The following PCDHA2 variants were observed in gnomAD, a reference collection of about 807,000 sequenced individuals.
PCDHA2 encodes protocadherin alpha 2.
In PCDHA2, 58 loss-of-function variants were observed where a neutral mutation model predicts 66.0. The ratio of observed to expected loss-of-function variants is 0.88; its 90% CI spans 0.71 to 1.09. The LOEUF (loss-of-function observed/expected upper bound fraction) is 1.09. Ranked by LOEUF, PCDHA2 falls within the 50% of genes least tolerant of loss-of-function variation. PCDHA2 has a pLI of 0.00. For synonymous variants in PCDHA2, 634 were observed against 554.0 expected, an observed-to-expected ratio of 1.14 and a Z score of -2.03; for missense variants, 1,267 against 1,242.3, an observed-to-expected ratio of 1.02 and a Z score of -0.30.
intron 3 of PCDHA2, among the ~76,000 whole-genome samples, chr5:140,983,123 G>A (rs781811003): frequency 2.0e-5 from 3 of 152,198 alleles, no homozygotes; most frequent in Non-Finnish European, 4.4e-5. Flanking sequence ...ACAACATTCT[G>A]CAGACTGACT....
At chr5:140,862,926 G>C in intron 1 of PCDHA2, 1 of 546,060 alleles carries the variant, frequency 1.8e-6, no homozygotes, top group South Asian at 1.4e-5. Context: ...GGGTGGGCTG[G>C]CGGCGCTGTG....
chr5:140,808,557 A>C, intron 1 of PCDHA2: 2 of 1,614,098 alleles, frequency 1.2e-6, no homozygotes, highest in Non-Finnish European at 8.5e-7. Flanking sequence ...GCGTTCGCGC[A>C]GCCCGAGTAC....
chr5:140,939,851 A>G (rs1313215259), intron 1 of PCDHA2, among the ~76,000 whole-genome samples: 2 of 152,206 alleles, frequency 1.3e-5, no homozygotes, highest in African/African-American at 4.8e-5. Context: ...TGTGTTCTGT[A>G]TATGTCCATT....
At chr5:140,893,456 C>G (rs781790396) in intron 1 of PCDHA2, among the ~76,000 whole-genome samples, 44 of 151,918 alleles carry the variant, frequency 2.9e-4, no homozygotes, top group Non-Finnish European at 2.6e-4. Flanking sequence ...AGTTCAAGAC[C>G]AGCCTGGGCA....
intron 1 of PCDHA2, chr5:140,828,105 C>T (rs1554131020): frequency 3.1e-6 from 5 of 1,610,132 alleles, no homozygotes; most frequent in Middle Eastern, 1.7e-4. Context: ...GTGTTTACCC[C>T]GGAGGATAGA....
intron 1 of PCDHA2, among the ~76,000 whole-genome samples, chr5:140,800,063 T>C (rs549802801): frequency 1.3e-5 from 2 of 152,102 alleles, no homozygotes; most frequent in Non-Finnish European, 2.9e-5. Context: ...TAACAACTTT[T>C]AAAAAAACTG....
At chr5:140,911,066 A>C (rs1166409987) in intron 1 of PCDHA2, among the ~76,000 whole-genome samples, 1 of 152,042 alleles carries the variant, frequency 6.6e-6, no homozygotes, top group Non-Finnish European at 1.5e-5. Flanking sequence ...GTGGGTCCTG[A>C]GGAGAATCAA....
intron 1 of PCDHA2, chr5:140,868,151 C>A (rs1421051830): frequency 6.6e-6 from 1 of 151,990 alleles, no homozygotes. Flanking sequence ...GATTCTGTTA[C>A]ATAAAGTGCT....
rs1581620917 is a variant in PCDHA2 at position 140,796,534 on chromosome 5, G to A, written c.1570G>A (p.Asp524Asn). 1.2e-6 allele frequency: 2 copies of A among 1,612,788 alleles called. No individual in the cohort carries two copies. Among genetic ancestry groups the A allele is most frequent in the African/African-American group, 1.3e-5 (1 of 75,020 alleles). The stretch of plus-strand genomic sequence containing the variant: ...CAAGGTGTACGCGCTGCAGCCGCTG[G>A]ACCACGAGGAAGTGGAGCTGCTGCA... ...SGKVYALQPL[D>N]HEEVELLQFQ... The change falls in exon 1 of 4, where the codon GAC becomes AAC. Residue 524 changes from aspartate (D) to asparagine (N), a missense_variant. Physicochemically the swap from Asp to Asn is conservative, Grantham distance 23. Transcript: ENST00000526136.
intron 1 of PCDHA2, chr5:140,835,304 T>C (rs2150233585): frequency 2.5e-6 from 4 of 1,612,734 alleles, no homozygotes; most frequent in Admixed American, 3.3e-5. Flanking sequence ...TGATAGGACA[T>C]ATGGATTTTG....
intron 1 of PCDHA2, among the ~76,000 whole-genome samples, chr5:140,885,868 A>G (rs1347875524): frequency 6.6e-6 from 1 of 152,202 alleles, no homozygotes; most frequent in Admixed American, 6.5e-5. Context: ...TCTATTGAAA[A>G]AAAATTTTTA....
chr5:140,883,564 G>C, intron 1 of PCDHA2: 1 of 1,614,174 alleles, frequency 6.2e-7, no homozygotes, highest in Non-Finnish European at 8.5e-7. Context: ...ACGGGGGCTC[G>C]CCTTCGCTGT....
intron 3 of PCDHA2, chr5:140,988,965 TG>T (rs1227130828): frequency 6.6e-6 from 1 of 152,162 alleles, no homozygotes; most frequent in Non-Finnish European, 1.5e-5. Context: ...AGCCCCACGA[TG>T]GAGAGAAGCA....
chr5:140,995,684 A>G (rs2097694657), intron 3 of PCDHA2, among the ~76,000 whole-genome samples: 1 of 152,144 alleles, frequency 6.6e-6, no homozygotes, highest in Non-Finnish European at 1.5e-5. Context: ...ATTTTTTTTA[A>G]TTGTTAAATA....
At chr5:140,926,987 G>A (rs782407289) in intron 1 of PCDHA2, 13 of 1,610,996 alleles carry the variant, frequency 8.1e-6, no homozygotes, top group Non-Finnish European at 1.1e-5. Flanking sequence ...GAGACGGAGC[G>A]GGGCGTAGCC....
At chr5:140,874,079 T>C (rs1397045171) in intron 1 of PCDHA2, among the ~76,000 whole-genome samples, 2 of 152,234 alleles carry the variant, frequency 1.3e-5, no homozygotes, top group African/African-American at 4.8e-5. Flanking sequence ...CCTGATGACA[T>C]CAAAATTCAA....
chr5:140,830,328 G>A, intron 1 of PCDHA2: 2 of 1,614,058 alleles, frequency 1.2e-6, no homozygotes, highest in Non-Finnish European at 1.7e-6. Flanking sequence ...AGCGCAGTGG[G>A]GAGCTGGTCG....
intron 1 of PCDHA2, among the ~76,000 whole-genome samples, chr5:140,978,737 G>A (rs2096820627): frequency 6.6e-6 from 1 of 152,180 alleles, no homozygotes; most frequent in Admixed American, 6.5e-5. Context: ...GGTCTTCCAG[G>A]GTATCTAATC....
rs368109410 is a variant in PCDHA2, at chr5:140,795,872, G to T, written c.908G>T (p.Arg303Ile). The T allele has an allele frequency of 6.2e-7, 1 of 1,613,958 alleles. No homozygotes were observed. Among genetic ancestry groups the T allele is most frequent in the Non-Finnish European group, 8.5e-7 (1 of 1,180,016 alleles). ...ATAGATCCCATCTCAGGGGAAATCAGAACTAAGGGAAAATTAGATTATGAA... is the reference window on the plus strand; with the variant it reads ...ATAGATCCCATCTCAGGGGAAATCATAACTAAGGGAAAATTAGATTATGAA... ...FTIDPISGEI[R>I]TKGKLDYEEA... Residue 303 changes from arginine to isoleucine, a missense_variant, in exon 1 of 4, where the codon AGA becomes ATA. Coordinates refer to ENST00000526136, the MANE Select transcript of PCDHA2 (RefSeq NM_018905.3).
Sources: allele counts gnomAD v4.1 joint callset (sites outside exome capture counted in the v4.1 genomes callset), GRCh38; gene constraint gnomAD v4.1.1; transcripts MANE v1.5; gene names NCBI Gene and HGNC (gene_info 2026-07-23, HGNC 2026-07-21).